LIG3: variants seen among roughly 807,000 people sequenced by gnomAD.
LIG3 encodes DNA ligase 3, also known as ligase II, DNA, ATP-dependent.
A neutral mutation model predicts 110.9 loss-of-function variants in LIG3; 58 were observed. The observed-to-expected ratio is 0.52, with a 90% CI of 0.42 to 0.65. The LOEUF is 0.65. Among genes scored for constraint, LIG3 ranks in the 30% least tolerant of loss-of-function variants. The pLI, the probability that LIG3 is intolerant of heterozygous loss-of-function variation, is 0.00. For synonymous variants in LIG3, 422 were observed against 472.8 expected (o/e 0.89, Z 1.39); for missense variants, 1,094 against 1,273.8 (o/e 0.86, Z 2.15).
At chr17:35,002,628 G>T in intron 18 of LIG3, 40 bp from the exon 19 acceptor site, 1 of 1,598,224 alleles carries the variant, frequency 6.3e-7, no homozygotes, top group South Asian at 1.1e-5. Flanking sequence ...TGGGACTATA[G>T]GTGTGCACCA....
At chr17:35,002,559 C>A in intron 18 of LIG3, 109 bp from the exon 19 acceptor site, 1 of 1,194,300 alleles carries the variant, frequency 8.4e-7, no homozygotes, top group Non-Finnish European at 1.2e-6. Context: ...AGTGCAGTGG[C>A]ACGACCATAG....
rs1439797103 is a variant in LIG3, at chr17:34,991,038, A to G, written c.965A>G (p.Asn322Ser). 6.2e-7 allele frequency: 1 copy of G among 1,614,154 alleles called. No individual in the cohort carries two copies. The highest frequency in any genetic ancestry group is 8.5e-7 in the Non-Finnish European group (1 of 1,179,980). Residue 322 changes from asparagine to serine, a missense_variant, in exon 5 of 20, where the codon AAC becomes AGC. Asn to Ser is a conservative substitution (Grantham distance 46). Coordinates refer to ENST00000378526, the MANE Select transcript of LIG3 (RefSeq NM_013975.4). Reference protein sequence around the residue: ...PGVIKTVYNLNDKQIVKLFSR... With the variant: ...PGVIKTVYNLSDKQIVKLFSR... ...GTCATTAAGACTGTTTACAACTTGA[A>G]CGATAAGCAGATTGTGAAGCTTTTC... is the stretch of plus-strand genomic sequence containing the variant.
chr17:34,995,548 G>A (rs1186791738), intron 9 of LIG3, among the ~76,000 whole-genome samples: 2 of 152,124 alleles, frequency 1.3e-5, no homozygotes, highest in Non-Finnish European at 2.9e-5. Flanking sequence ...GGCCTTTCCT[G>A]TTCCTGCTCT....
chr17:35,001,538 TAGAG>T, intron 17 of LIG3, 135 bp downstream of exon 17: 1 of 915,854 alleles, frequency 1.1e-6, no homozygotes, highest in Middle Eastern at 2.8e-4. Context: ...GGAGGGCAAT[TAGAG>T]AGGGAGACAA....
At position 34,992,118 on chromosome 17, in the gene LIG3, C is replaced by T. The variant is rs139603528; in HGVS notation, c.1286+83C>T. On this transcript the variant is annotated intron_variant, in intron 7 of 19. Transcript: ENST00000378526. Reference sequence around the variant, plus strand: ...AACTGGTGTCAGGACTTTTGAGTCCCAGTCAGGATTTGAATCCCCCTTCCA... The same window carrying T: ...AACTGGTGTCAGGACTTTTGAGTCCTAGTCAGGATTTGAATCCCCCTTCCA... 3.0e-3 allele frequency: 3,721 copies of T among 1,231,152 alleles called. 100 individuals are homozygous for T. The African/African-American group carries it at 0.05, about 16-fold the overall frequency. The allele number at this position is 1,231,152 out of a possible 1,614,324, so 76.3% of individuals were successfully genotyped here.
rs1435111560 is a variant in LIG3, at chr17:35,002,733, C to T, written c.2740C>T (p.Pro914Ser). 6.2e-7 allele frequency: 1 copy of T among 1,613,016 alleles called. No individual in the cohort carries two copies. The highest frequency in any genetic ancestry group is 8.5e-7 in the Non-Finnish European group (1 of 1,179,550). The change falls in exon 19 of 20, where the codon CCA (proline) becomes TCA (serine). Residue 914 changes from proline (P) to serine (S), a missense_variant. Transcript: ENST00000378526. Reference protein sequence around the residue: ...VGEKLATKSSPVKVGEKRKAA... With the variant: ...VGEKLATKSSSVKVGEKRKAA... The stretch of plus-strand genomic sequence containing the variant: ...GGAGAAGCTGGCCACAAAGTCTTCT[C>T]CAGTGAAAGTAGGGGAGAAGCGGAA...
rs770871827 is a variant in LIG3, at chr17:35,004,306, T to G, written c.2830T>G (p.Tyr944Asp). Residue 944 changes from tyrosine (Y) to aspartate (D), a missense_variant, in exon 20 of 20, where the codon TAC becomes GAC. Physicochemically the swap from Tyr to Asp is radical, Grantham distance 160. Coordinates refer to ENST00000378526, the MANE Select transcript of LIG3 (RefSeq NM_013975.4). ...LLDIFTGVRL[Y>D]LPPSTPDFSR... Reference sequence around the variant, plus strand: ...GGACATCTTCACTGGGGTGCGGCTTTACTTGCCACCCTCCACACCAGACTT... The same window carrying G: ...GGACATCTTCACTGGGGTGCGGCTTGACTTGCCACCCTCCACACCAGACTT... The G allele has an allele frequency of 1.2e-6, 2 of 1,614,190 alleles. No individual in the cohort carries two copies. Among genetic ancestry groups the G allele is most frequent in the East Asian group, 4.5e-5 (2 of 44,882 alleles).
rs779338233 is a variant in LIG3 at position 35,005,608 on chromosome 17, T to C, written c.*1102T>C. 2 of 579,552 alleles carry C rather than the reference T, an allele frequency of 3.5e-6. No homozygotes were observed. The highest frequency in any genetic ancestry group is 6.9e-6 in the Non-Finnish European group (2 of 288,700). 35.9% of individuals were successfully genotyped at this position (579,552 alleles called of 1,614,324 possible). A position where few individuals can be genotyped will look rare whatever the true frequency, so the allele number is the denominator to read the frequency against. ...TTTAGGTTTCATAATGCTGGACCAG[T>C]CGAATGCACCAAATATCCCAAAACT... On this transcript the variant is annotated 3_prime_UTR_variant, in exon 20 of 20. Coordinates refer to ENST00000378526, the MANE Select transcript of LIG3 (RefSeq NM_013975.4).
chr17:34,987,966 G>A (rs900257474), intron 3 of LIG3, among the ~76,000 whole-genome samples: 9 of 151,698 alleles, frequency 5.9e-5, no homozygotes, highest in Non-Finnish European at 8.8e-5. Context: ...AGGCCGAGGC[G>A]GGCGGATCAC....
chr17:35,004,040 T>G, intron 19 of LIG3: 1 of 530,134 alleles, frequency 1.9e-6, no homozygotes. Context: ...AGGTCCCAGA[T>G]GTCGAGGCCT....
intron 14 of LIG3, 93 bp downstream of exon 14, chr17:34,998,820 A>G (rs2090808925): frequency 1.4e-6 from 2 of 1,454,842 alleles, no homozygotes; most frequent in South Asian, 1.3e-5. Context: ...ATCTGCCAGC[A>G]TGGCCAGTTA....
chr17:34,984,494 T>C (rs2090635658), intron 2 of LIG3, among the ~76,000 whole-genome samples: 1 of 152,220 alleles, frequency 6.6e-6, no homozygotes, highest in African/African-American at 2.4e-5. Context: ...CTCTTGAGCA[T>C]AGCAAGATGC....
At chr17:34,997,534 A>G in intron 11 of LIG3, 2 of 561,574 alleles carry the variant, frequency 3.6e-6, no homozygotes, top group South Asian at 4.2e-5. Context: ...AACTGGCTCT[A>G]TGCCACAGCT....
At chr17:34,997,999 G>A (rs1457734667) in intron 12 of LIG3, 174 bp downstream of exon 12, 3 of 661,018 alleles carry the variant, frequency 4.5e-6, no homozygotes, top group African/African-American at 1.8e-5. Context: ...AGAAGGGTAG[G>A]GCATGGAAAT....
chr17:34,986,064 G>C lies in LIG3; in HGVS notation c.624G>C (p.Val208=). ...VQAKLTTTGQ[V]TSPVKGASFV... ...CTAAGTTGACAACCACTGGCCAGGTGACTTCTCCAGTGAAAGGCGCCTCAT... is the reference window on the plus strand; with the variant it reads ...CTAAGTTGACAACCACTGGCCAGGTCACTTCTCCAGTGAAAGGCGCCTCAT... Residue 208 remains valine, a synonymous_variant, in exon 3 of 20, where the codon GTG becomes GTC. Coordinates refer to ENST00000378526, the MANE Select transcript of LIG3 (RefSeq NM_013975.4). 7 of 1,614,118 alleles carry C rather than the reference G, an allele frequency of 4.3e-6. No individual in the cohort carries two copies. Among genetic ancestry groups the C allele is most frequent in the Non-Finnish European group, 5.9e-6 (7 of 1,179,982 alleles).
intron 2 of LIG3, among the ~76,000 whole-genome samples, chr17:34,984,403 T>C (rs1026667395): frequency 1.3e-5 from 2 of 152,238 alleles, no homozygotes; most frequent in Admixed American, 1.3e-4. Flanking sequence ...AATTGTCCCA[T>C]ATTTGGCCAA....
At chr17:34,984,008 A>G (rs1161427808) in intron 2 of LIG3, among the ~76,000 whole-genome samples, 1 of 152,264 alleles carries the variant, frequency 6.6e-6, no homozygotes, top group Non-Finnish European at 1.5e-5. Context: ...AATAAGTTGC[A>G]TACATCATGG....
rs1278049369 is a variant in LIG3 at position 34,992,554 on chromosome 17, A to C, written c.1317A>C (p.Glu439Asp). ...ACGCCCTTGACCCCAATGCCTATGAAGCCTTCAAAGCCTCGCGCAACCTGC... is the reference window on the plus strand; with the variant it reads ...ACGCCCTTGACCCCAATGCCTATGACGCCTTCAAAGCCTCGCGCAACCTGC... ...VLDALDPNAY[E>D]AFKASRNLQD... Residue 439 changes from glutamate (E) to aspartate (D), a missense_variant, in exon 8 of 20, where the codon GAA (glutamate) becomes GAC (aspartate). By Grantham distance (45) the Glu-to-Asp change is conservative. Transcript: ENST00000378526. 1 of 1,610,546 alleles carries C rather than the reference A, an allele frequency of 6.2e-7. No homozygotes were observed. The highest frequency in any genetic ancestry group is 8.5e-7 in the Non-Finnish European group (1 of 1,178,536).
intron 3 of LIG3, among the ~76,000 whole-genome samples, chr17:34,987,816 C>T (rs1002602101): frequency 1.3e-5 from 2 of 152,186 alleles, no homozygotes; most frequent in African/African-American, 4.8e-5. Context: ...TATCTCCATG[C>T]CTCATCTACC....
Sources: gnomAD v4.1 joint callset for allele counts (sites outside exome capture counted in the v4.1 genomes callset) on GRCh38, gnomAD v4.1.1 for gene constraint, MANE v1.5 for transcripts, NCBI Gene and HGNC (gene_info 2026-07-23, HGNC 2026-07-21) for gene names.